Variants in SORCS1 observed in about 807,000 individuals in gnomAD.
The protein encoded by SORCS1 is VPS10 domain-containing receptor SorCS1.
SORCS1 carries 60 observed loss-of-function variants against 146.1 expected under a neutral mutation model. That is an observed-to-expected ratio of 0.41 (90% CI 0.33 to 0.51). The LOEUF (loss-of-function observed/expected upper bound fraction) is 0.51. SORCS1 is among the 20% of genes least tolerant of loss of function. The probability of loss-of-function intolerance (pLI) is 0.21; values close to 1 mark genes in which losing one functional copy is unlikely to be tolerated. For synonymous variants in SORCS1, 637 were observed against 584.0 expected (o/e 1.09, Z -1.31); for missense variants, 1,352 against 1,487.6 (o/e 0.91, Z 1.50).
At chr10:107,095,263 A>G (rs1384216895) in intron 1 of SORCS1, among the ~76,000 whole-genome samples, 1 of 152,216 alleles carries the variant, frequency 6.6e-6, no homozygotes, top group African/African-American at 2.4e-5. Flanking sequence ...ACAGACAAGG[A>G]AACAGAAGGC....
intron 1 of SORCS1, among the ~76,000 whole-genome samples, chr10:107,126,565 C>A (rs1032873934): frequency 6.6e-6 from 1 of 152,092 alleles, no homozygotes; most frequent in East Asian, 1.9e-4. Context: ...TAATCTATAC[C>A]ATTTCCAGCC....
At chr10:106,922,841 A>T (rs189829596) in intron 2 of SORCS1, among the ~76,000 whole-genome samples, 1 of 151,564 alleles carries the variant, frequency 6.6e-6, no homozygotes, top group Non-Finnish European at 1.5e-5. Context: ...TCTGTGTTTG[A>T]TCTATTCATC....
At chr10:106,822,802 T>TTTTTTTTTTTTTTTTTTTTTTTTTTTTG (rs994708912) in intron 3 of SORCS1, among the ~76,000 whole-genome samples, 4 of 140,118 alleles carry the variant, frequency 2.9e-5, no homozygotes, top group East Asian at 2.3e-4. Flanking sequence ...TTTTTTTTTT[T>TTTTTTTTTTTTTTTTTTTTTTTTTTTTG]GAATATTGCT....
At chr10:106,847,800 G>T (rs1410221482) in intron 2 of SORCS1, among the ~76,000 whole-genome samples, 2 of 130,052 alleles carry the variant, frequency 1.5e-5, no homozygotes, top group South Asian at 2.7e-4. Context: ...GTTCTCGTTG[G>T]TTTCAAAGAA....
chr10:106,993,890 T>C (rs561929835), intron 1 of SORCS1, among the ~76,000 whole-genome samples: 3 of 151,902 alleles, frequency 2.0e-5, no homozygotes, highest in Non-Finnish European at 2.9e-5. Context: ...CTGGGCAACA[T>C]GGTGAAACCC....
chr10:107,016,009 A>G (rs1237934506), intron 1 of SORCS1, among the ~76,000 whole-genome samples: 1 of 152,228 alleles, frequency 6.6e-6, no homozygotes, highest in Non-Finnish European at 1.5e-5. Context: ...ATAGACTATT[A>G]GCAATCAATT....
the SORCS1 span, among the ~76,000 whole-genome samples, chr10:107,176,606 C>G: frequency 6.6e-6 from 1 of 152,112 alleles, no homozygotes; most frequent in African/African-American, 2.4e-5. Flanking sequence ...TCCCAAAGTG[C>G]TGGGATTACA....
In SORCS1 at chr10:107,138,831, T is replaced by C. The variant is rs1967558790; in HGVS notation, c.558+25138A>G. Reference sequence around the variant, plus strand: ...CAGTGCCTCTACGCGGTCCATACTTTCCGCTGTCCCTCACTGCAGACTGAC... The same window carrying C: ...CAGTGCCTCTACGCGGTCCATACTTCCCGCTGTCCCTCACTGCAGACTGAC... On this transcript the variant is annotated intron_variant, in intron 1 of 25. Coordinates refer to ENST00000263054, the MANE Select transcript of SORCS1 (RefSeq NM_052918.5). Among the ~76,000 whole-genome samples, 4 of 152,154 alleles carry C rather than the reference T, an allele frequency of 2.6e-5. No individual in the cohort carries two copies. The South Asian group carries it at 8.3e-4, about 32-fold the overall frequency.
intron 2 of SORCS1, among the ~76,000 whole-genome samples, chr10:106,852,424 T>A (rs1379922324): frequency 6.6e-6 from 1 of 151,860 alleles, no homozygotes; most frequent in East Asian, 1.9e-4. Flanking sequence ...GGTCAAGAGA[T>A]CAAGACCATC....
At chr10:106,970,912 T>A (rs1955752847) in intron 1 of SORCS1, among the ~76,000 whole-genome samples, 1 of 146,820 alleles carries the variant, frequency 6.8e-6, no homozygotes, top group Admixed American at 6.8e-5. Flanking sequence ...CTAATTTTTT[T>A]TTTTTTTTTT....
At chr10:107,156,651 A>G (rs1786207485) in intron 1 of SORCS1, among the ~76,000 whole-genome samples, 1 of 152,230 alleles carries the variant, frequency 6.6e-6, no homozygotes, top group African/African-American at 2.4e-5. Context: ...TTGAGCAAGT[A>G]AAACCCATTA....
intron 2 of SORCS1, among the ~76,000 whole-genome samples, chr10:106,934,667 C>A (rs570270495): frequency 6.6e-6 from 1 of 152,238 alleles, no homozygotes; most frequent in Non-Finnish European, 1.5e-5. Flanking sequence ...AACCTACATG[C>A]CCATCAACGA....
chr10:106,855,515 C>T (rs1949752319), intron 2 of SORCS1, among the ~76,000 whole-genome samples: 1 of 152,148 alleles, frequency 6.6e-6, no homozygotes, highest in Non-Finnish European at 1.5e-5. Context: ...GTTATTCCCA[C>T]TATACATATA....
chr10:107,018,562 G>C (rs1317610772), intron 1 of SORCS1, among the ~76,000 whole-genome samples: 1 of 151,866 alleles, frequency 6.6e-6, no homozygotes, highest in Non-Finnish European at 1.5e-5. Context: ...CATTGCTGAA[G>C]GCTCCTATGT....
rs10569833 is a variant in SORCS1, at chr10:107,090,919, TACAC to T, written c.558+73046_558+73049del. 6.2e-3 allele frequency among the ~76,000 whole-genome samples: 924 copies of T among 149,476 alleles called. 9 individuals carry two copies. Among genetic ancestry groups the T allele is most frequent in the Non-Finnish European group, 9.0e-3 (607 of 67,256 alleles). On this transcript the variant is annotated intron_variant, in intron 1 of 25. Coordinates refer to ENST00000263054, the MANE Select transcript of SORCS1 (RefSeq NM_052918.5). ...ATACAGCCAGGTATCTATTCTAAAG[TACAC>T]ACACACACACACACACACACGTACA...
intron 19 of SORCS1, among the ~76,000 whole-genome samples, chr10:106,628,502 A>C (rs939253379): frequency 6.6e-6 from 1 of 152,216 alleles, no homozygotes; most frequent in African/African-American, 2.4e-5. Flanking sequence ...TACACCTAAC[A>C]TGTTAATGAC....
At chr10:107,063,158 T>C (rs1961396173) in intron 1 of SORCS1, among the ~76,000 whole-genome samples, 1 of 152,120 alleles carries the variant, frequency 6.6e-6, no homozygotes. Context: ...TCAATAAATA[T>C]AAAAGTAAAT....
chr10:106,978,537 C>A (rs1589838084), intron 1 of SORCS1, among the ~76,000 whole-genome samples: 1 of 152,126 alleles, frequency 6.6e-6, no homozygotes. Flanking sequence ...TGGTAGCTCA[C>A]GCCTGTAATC....
At chr10:107,132,884 GT>G (rs1364723551) in intron 1 of SORCS1, among the ~76,000 whole-genome samples, 1 of 152,028 alleles carries the variant, frequency 6.6e-6, no homozygotes, top group African/African-American at 2.4e-5. Context: ...ACGAGACCTT[GT>G]ACAACTAACT....
Sources: allele counts gnomAD v4.1 joint callset (sites outside exome capture counted in the v4.1 genomes callset), GRCh38; gene constraint gnomAD v4.1.1; transcripts MANE v1.5; gene names NCBI Gene and HGNC (gene_info 2026-07-23, HGNC 2026-07-21).